NUCKS1: variants seen among roughly 807,000 people sequenced by gnomAD.
NUCKS1 encodes nuclear ubiquitous casein and cyclin-dependent kinase substrate 1.
A neutral mutation model predicts 33.0 loss-of-function variants in NUCKS1; 2 were observed. That is an observed-to-expected ratio of 0.06 (90% confidence interval 0.02 to 0.19). NUCKS1 has a LOEUF of 0.19. Among genes scored for constraint, NUCKS1 ranks in the 10% least tolerant of loss-of-function variants. The pLI is 1.00. For missense variants in NUCKS1, 201 were observed against 293.6 expected (o/e 0.68, Z 2.31); for synonymous variants, 106 against 102.8 (o/e 1.03, Z -0.19).
At chr1:205,732,062 T>C (rs1342873876) in intron 1 of NUCKS1, among the ~76,000 whole-genome samples, 2 of 152,192 alleles carry the variant, frequency 1.3e-5, no homozygotes, top group East Asian at 3.9e-4. Context: ...GGAGATGGTA[T>C]GGATGGAGGT....
In NUCKS1 at chr1:205,718,593, T is replaced by C. The variant is rs556689223; in HGVS notation, c.533-114A>G. ...AAAATCTATAAAGACAATATGCAAC[T>C]TACTAAAAACCAAGGTGGGCACAAG... is the stretch of plus-strand genomic sequence containing the variant. On this transcript the variant is annotated intron_variant, in intron 6 of 6. Coordinates refer to ENST00000367142, the MANE Select transcript of NUCKS1 (RefSeq NM_022731.5). 1.2e-5 allele frequency: 18 copies of C among 1,481,036 alleles called. No individual in the cohort carries two copies. In the African/African-American group the frequency reaches 2.1e-4, roughly 17 times the overall value. 91.7% of individuals were successfully genotyped at this position (1,481,036 alleles called of 1,614,324 possible). A position where few individuals can be genotyped will look rare whatever the true frequency, so the allele number is the denominator to read the frequency against.
intron 1 of NUCKS1, among the ~76,000 whole-genome samples, chr1:205,742,515 T>G (rs1654203202): frequency 6.6e-6 from 1 of 152,176 alleles, no homozygotes; most frequent in Non-Finnish European, 1.5e-5. Flanking sequence ...AGTGGTCTTG[T>G]GCTAAAAAAT....
At chr1:205,719,840 C>T (rs191618801) in intron 5 of NUCKS1, 164 bp from the exon 6 acceptor site, 1 of 629,926 alleles carries the variant, frequency 1.6e-6, no homozygotes, top group Admixed American at 3.6e-5. Context: ...CATCACTGGC[C>T]TCATTTGTCA....
In NUCKS1 at chr1:205,714,948, C is replaced by T. The variant is rs1671798451; in HGVS notation, c.*3332G>A. On this transcript the variant is annotated 3_prime_UTR_variant, in exon 7 of 7. Transcript: ENST00000367142. ...CCACCATGATCTTTTATAAAGCTTT[C>T]CCCGTTGCTCCTGATATTTATTTCT... The T allele has an allele frequency of 6.6e-6, 1 of 152,258 alleles. No individual in the cohort carries two copies. The highest frequency in any genetic ancestry group is 3.4e-3 in the Middle Eastern group (1 of 294). 9.4% of individuals were successfully genotyped at this position (152,258 alleles called of 1,614,324 possible).
intron 1 of NUCKS1, among the ~76,000 whole-genome samples, chr1:205,740,541 G>A (rs191900388): frequency 6.6e-6 from 1 of 152,060 alleles, no homozygotes; most frequent in Non-Finnish European, 1.5e-5. Flanking sequence ...CTTGAGCCCA[G>A]GAGGCTGATG....
At chr1:205,723,431 CA>C (rs927113468) in intron 4 of NUCKS1, among the ~76,000 whole-genome samples, 23 of 151,678 alleles carry the variant, frequency 1.5e-4, no homozygotes, top group Admixed American at 8.5e-4. Flanking sequence ...AAAATTTTTA[CA>C]AAAAAAACTT....
rs1415183866 is a variant in NUCKS1, at chr1:205,714,299, A to G, written c.*3981T>C. 6.6e-6 allele frequency: 1 copy of G among 152,106 alleles called. No homozygotes were observed. Among genetic ancestry groups the G allele is most frequent in the Non-Finnish European group, 1.5e-5 (1 of 68,022 alleles). The allele number at this position is 152,106 out of a possible 1,614,324, so 9.4% of individuals were successfully genotyped here. ...AAAAATCCCAATTTTACCCTCCCCC[A>G]ATAATCTAGAAAACCCTCCCTTCAC... On this transcript the variant is annotated 3_prime_UTR_variant, in exon 7 of 7. Coordinates refer to ENST00000367142, the MANE Select transcript of NUCKS1 (RefSeq NM_022731.5).
chr1:205,744,630 G>GCTTTT (rs1421044860), intron 1 of NUCKS1, among the ~76,000 whole-genome samples: 1 of 87,786 alleles, frequency 1.1e-5, no homozygotes, highest in Non-Finnish European at 2.0e-5. Context: ...GTTCACTAGA[G>GCTTTT]TTTTTTTTTT....
Position 205,737,382 on chromosome 1 carries a change from C to T in NUCKS1, c.18-7761G>A, listed in dbSNP as rs150199142. Among the ~76,000 whole-genome samples the T allele has an allele frequency of 9.7e-3, 1,482 of 152,300 alleles. 17 individuals are homozygous for T. Among genetic ancestry groups the T allele is most frequent in the Middle Eastern group, 0.054 (16 of 294 alleles). The stretch of plus-strand genomic sequence containing the variant: ...ATCTTCCCCAACTTCTTAACATCTG[C>T]AAATTTAATCAGCACACCATCAGTG... On this transcript the variant is annotated intron_variant, in intron 1 of 6. Transcript: ENST00000367142.
At chr1:205,721,659 A>T (rs1671919686) in intron 4 of NUCKS1, among the ~76,000 whole-genome samples, 1 of 151,900 alleles carries the variant, frequency 6.6e-6, no homozygotes, top group Admixed American at 6.6e-5. Flanking sequence ...TTCAATTTAG[A>T]GGGGATTGTG....
intron 1 of NUCKS1, among the ~76,000 whole-genome samples, chr1:205,741,584 C>T (rs1240693210): frequency 6.6e-6 from 1 of 152,038 alleles, no homozygotes; most frequent in Admixed American, 6.5e-5. Context: ...TGTAGCCTGA[C>T]AAATTTAGGT....
At chr1:205,720,738 A>T in intron 4 of NUCKS1, 85 bp from the exon 5 acceptor site, 1 of 1,345,710 alleles carries the variant, frequency 7.4e-7, no homozygotes, top group East Asian at 2.4e-5. Context: ...ATTGACTGAA[A>T]ACATAACTGA....
intron 1 of NUCKS1, among the ~76,000 whole-genome samples, chr1:205,735,419 A>C (rs1344644489): frequency 2.0e-5 from 3 of 152,242 alleles, no homozygotes; most frequent in Non-Finnish European, 2.9e-5. Flanking sequence ...CTAAAAATGC[A>C]GTTCTCAGAA....
In NUCKS1 at chr1:205,717,641, C is replaced by T. The variant is rs1671846736; in HGVS notation, c.*639G>A. ...CAGGTAACCCCATTGCCCACCCTCC[C>T]TACAAGGTAAAAAATGAGTACTTTT... On this transcript the variant is annotated 3_prime_UTR_variant, in exon 7 of 7. Coordinates refer to ENST00000367142, the MANE Select transcript of NUCKS1 (RefSeq NM_022731.5). The T allele has an allele frequency of 2.0e-6, 2 of 985,248 alleles. No individual in the cohort carries two copies. Among genetic ancestry groups the T allele is most frequent in the Middle Eastern group, 5.2e-4 (1 of 1,914 alleles). The allele number at this position is 985,248 out of a possible 1,614,324, so 61.0% of individuals were successfully genotyped here. A position where few individuals can be genotyped will look rare whatever the true frequency, so the allele number is the denominator to read the frequency against.
intron 1 of NUCKS1, among the ~76,000 whole-genome samples, chr1:205,733,657 T>G (rs1327610079): frequency 6.6e-6 from 1 of 151,890 alleles, no homozygotes; most frequent in African/African-American, 2.4e-5. Context: ...ATAAATAACA[T>G]AAATGGCAGG....
intron 4 of NUCKS1, among the ~76,000 whole-genome samples, chr1:205,723,368 G>C (rs1199713459): frequency 2.0e-5 from 3 of 152,118 alleles, no homozygotes; most frequent in African/African-American, 4.8e-5. Flanking sequence ...CATCAGGACT[G>C]AACATTTTAT....
intron 1 of NUCKS1, among the ~76,000 whole-genome samples, chr1:205,735,442 G>C (rs1654011316): frequency 6.6e-6 from 1 of 152,196 alleles, no homozygotes; most frequent in Admixed American, 6.5e-5. Flanking sequence ...TATCCCTGGT[G>C]CTATGTGACA....
intron 4 of NUCKS1, among the ~76,000 whole-genome samples, chr1:205,722,988 G>A (rs1346215843): frequency 6.6e-6 from 1 of 152,228 alleles, no homozygotes; most frequent in African/African-American, 2.4e-5. Context: ...TTATCTAGAA[G>A]TGCTCAATAA....
In NUCKS1 at chr1:205,713,207, C is replaced by G. The variant is rs1276432161; in HGVS notation, c.*5073G>C. On this transcript the variant is annotated 3_prime_UTR_variant, in exon 7 of 7. Transcript: ENST00000367142. ...GAGCACACATCTGGGTTATAAAAGC[C>G]CTTTTATAAAGCCATTTTTAAACAA... 1 of 151,328 alleles carries G rather than the reference C, an allele frequency of 6.6e-6. No individual in the cohort carries two copies. Among genetic ancestry groups the G allele is most frequent in the African/African-American group, 2.4e-5 (1 of 41,110 alleles). The allele number at this position is 151,328 out of a possible 1,614,324, so 9.4% of individuals were successfully genotyped here. A position where few individuals can be genotyped will look rare whatever the true frequency, so the allele number is the denominator to read the frequency against.
Sources: gnomAD v4.1 joint callset for allele counts (sites outside exome capture counted in the v4.1 genomes callset) on GRCh38, gnomAD v4.1.1 for gene constraint, MANE v1.5 for transcripts, NCBI Gene and HGNC (gene_info 2026-07-23, HGNC 2026-07-21) for gene names.